The following RMND5B variants were observed in gnomAD, a reference collection of about 807,000 sequenced individuals.
RMND5B encodes required for meiotic nuclear division 5 homolog B, also known as E3 ubiquitin-protein transferase RMND5B.
Under a neutral mutation model 50.4 loss-of-function variants are expected in RMND5B, and 42 were observed. That is an observed-to-expected ratio of 0.83 (90% CI 0.65 to 1.08). RMND5B has a LOEUF of 1.08. Ranked by LOEUF, RMND5B falls within the 50% of genes least tolerant of loss-of-function variation. RMND5B has a pLI of 0.00. For synonymous variants in RMND5B, 220 were observed against 210.0 expected (o/e 1.05, Z -0.41); for missense variants, 463 against 508.5 (o/e 0.91, Z 0.86).
At chr5:178,142,415 G>C (rs1758992051) in intron 3 of RMND5B, 168 bp from the exon 4 acceptor site, 9 of 763,478 alleles carry the variant, frequency 1.2e-5, no homozygotes, top group African/African-American at 8.7e-5. Flanking sequence ...TTCCAAGTCA[G>C]ACAGTTAAAA....
chr5:178,141,239 C>T (rs981065549), intron 3 of RMND5B: 3 of 152,140 alleles, frequency 2.0e-5, no homozygotes, highest in African/African-American at 7.2e-5. Flanking sequence ...TGCAGTGGCT[C>T]ATGCCTGTAA....
chr5:178,147,520 T>C lies in RMND5B; in HGVS notation c.861-13T>C. 1.9e-6 allele frequency: 3 copies of C among 1,612,586 alleles called. No individual in the cohort carries two copies. The highest frequency in any genetic ancestry group is 2.5e-6 in the Non-Finnish European group (3 of 1,179,020). On this transcript the variant is annotated splice_polypyrimidine_tract_variant and intron_variant, in intron 8 of 10. Coordinates refer to ENST00000313386, the MANE Select transcript of RMND5B (RefSeq NM_022762.5). ...TGATCTGAGCCACTCTAGCCCCTGT[T>C]CCTTGTCTGCAGCTTTGCCTCTGGC...
At chr5:178,144,914 G>GA (rs1755906818) in intron 7 of RMND5B, among the ~76,000 whole-genome samples, 1 of 152,148 alleles carries the variant, frequency 6.6e-6, no homozygotes, top group Non-Finnish European at 1.5e-5. Context: ...TGTCATGCTA[G>GA]AATTTCCAAA....
chr5:178,141,685 A>T (rs992857604), intron 3 of RMND5B: 4 of 152,172 alleles, frequency 2.6e-5, no homozygotes, highest in African/African-American at 9.7e-5. Context: ...ACTCGGTCTC[A>T]AAATAAATAA....
chr5:178,137,541 T>C lies in RMND5B; in HGVS notation c.-12-567T>C, dbSNP rs1758682543. Among the ~76,000 whole-genome samples the C allele has an allele frequency of 6.6e-6, 1 of 151,746 alleles. No individual in the cohort carries two copies. Among genetic ancestry groups the C allele is most frequent in the Non-Finnish European group, 1.5e-5 (1 of 67,958 alleles). On this transcript the variant is annotated intron_variant, in intron 2 of 10. Transcript: ENST00000313386. This position sits in a 1 kb window ranked among gnomAD's most constrained non-coding sequence, Gnocchi z 4.4. ...GTCTCTACGAAAAAAAATTTTAAAT[T>C]AGACAGGTGTAGAAGCACACTCCTG...
chr5:178,142,977 C>T lies in RMND5B; in HGVS notation c.411C>T (p.Ala137=), dbSNP rs111290494. ...ATCAGCAGGGCATGCTCAGCGTGGC[C>T]GAGGAGCTGTGCCAGGTACAGTCGG... ...HLYQQGMLSV[A]EELCQESTLN... The change falls in exon 5 of 11, where the codon GCC becomes GCT. Residue 137 remains alanine, a synonymous_variant. Transcript: ENST00000313386. The T allele has an allele frequency of 7.0e-5, 113 of 1,613,510 alleles. No homozygotes were observed. The African/African-American group carries it at 9.6e-4, about 14-fold the overall frequency.
chr5:178,143,700 A>G lies in RMND5B; in HGVS notation c.500A>G (p.His167Arg), dbSNP rs1042388790. The change falls in exon 6 of 11, where the codon CAC (histidine) becomes CGC (arginine). Residue 167 changes from histidine (H) to arginine (R), a missense_variant. Transcript: ENST00000313386. Reference sequence around the variant, plus strand: ...TTGAATCGAATCCTGGAAGCCCTGCACGAACAAGACCTGGGTCCTGCGTTG... The same window carrying G: ...TTGAATCGAATCCTGGAAGCCCTGCGCGAACAAGACCTGGGTCCTGCGTTG... ...LELNRILEAL[H>R]EQDLGPALEW... 3.1e-6 allele frequency: 5 copies of G among 1,614,132 alleles called. No individual in the cohort carries two copies. The highest frequency in any genetic ancestry group is 4.2e-6 in the Non-Finnish European group (5 of 1,179,972).
Position 178,138,428 on chromosome 5 carries a change from C to G in RMND5B, c.139+170C>G. On this transcript the variant is annotated intron_variant, in intron 3 of 10. Coordinates refer to ENST00000313386, the MANE Select transcript of RMND5B (RefSeq NM_022762.5). This position sits in a 1 kb window ranked among gnomAD's most constrained non-coding sequence, Gnocchi z 5.1. The stretch of plus-strand genomic sequence containing the variant: ...ACAGTCTCTGAGCTACTTCAAAAAG[C>G]CCAACAAATTATTAATTTACCTGAG... 5 of 1,378,144 alleles carry G rather than the reference C, an allele frequency of 3.6e-6. No homozygotes were observed. The highest frequency in any genetic ancestry group is 4.7e-6 in the Non-Finnish European group (5 of 1,069,158). The allele number at this position is 1,378,144 out of a possible 1,614,324, so 85.4% of individuals were successfully genotyped here. A position where few individuals can be genotyped will look rare whatever the true frequency, so the allele number is the denominator to read the frequency against.
chr5:178,147,435 A>T (rs1375684109), intron 8 of RMND5B, 98 bp from the exon 9 acceptor site: 2 of 846,462 alleles, frequency 2.4e-6, no homozygotes, highest in African/African-American at 3.4e-5. Context: ...ACCATTTTAG[A>T]GCCCTGTCTC....
At chr5:178,143,555 A>G (rs1355212307) in intron 5 of RMND5B, 72 bp from the exon 6 acceptor site, 11 of 1,211,360 alleles carry the variant, frequency 9.1e-6, no homozygotes, top group Non-Finnish European at 1.2e-5. Flanking sequence ...GTGAGCTTTT[A>G]TTATGTGCAT....
intron 2 of RMND5B, chr5:178,136,173 C>T (rs1758614115): frequency 6.6e-6 from 1 of 152,206 alleles, no homozygotes; most frequent in African/African-American, 2.4e-5. Context: ...CTGATTTAAT[C>T]TTTGTGTCTC....
Position 178,149,024 on chromosome 5 carries a change from T to C in RMND5B, c.*992T>C. 1 of 152,310 alleles carries C rather than the reference T, an allele frequency of 6.6e-6. No homozygotes were observed. The highest frequency in any genetic ancestry group is 1.9e-4 in the East Asian group (1 of 5,200). The allele number at this position is 152,310 out of a possible 1,614,324, so 9.4% of individuals were successfully genotyped here. ...GTCTAAAATACTTGAAGGGATTGGG[T>C]TACTAGGGCCATTATGTTAAGCAAG... On this transcript the variant is annotated 3_prime_UTR_variant, in exon 11 of 11. Coordinates refer to ENST00000313386, the MANE Select transcript of RMND5B (RefSeq NM_022762.5).
At chr5:178,135,441 A>G (rs1758571859) in intron 2 of RMND5B, 1 of 153,312 alleles carries the variant, frequency 6.5e-6, no homozygotes. Flanking sequence ...TATACTTTTA[A>G]TTTACATAAA....
rs147257025 is a variant in RMND5B, at chr5:178,147,593, G to T, written c.921G>T (p.Gln307His). The change falls in exon 9 of 11, where the codon CAG becomes CAT. Residue 307 changes from glutamine (Q) to histidine (H), a missense_variant. Coordinates refer to ENST00000313386, the MANE Select transcript of RMND5B (RefSeq NM_022762.5). ...TGAACATCAAGGCTGTGATTGAGCA[G>T]CGGCAGTGCACTGGGGTCTGGAATC... ...VLMNIKAVIEQRQCTGVWNHK... is the reference protein window; with the variant it reads ...VLMNIKAVIEHRQCTGVWNHK... The T allele has an allele frequency of 3.6e-4, 579 of 1,614,032 alleles. No individual in the cohort carries two copies. The highest frequency in any genetic ancestry group is 4.7e-4 in the Non-Finnish European group (553 of 1,179,992).
intron 7 of RMND5B, among the ~76,000 whole-genome samples, chr5:178,144,608 G>A (rs1331044449): frequency 1.3e-5 from 2 of 151,750 alleles, no homozygotes; most frequent in African/African-American, 4.8e-5. Flanking sequence ...TGTGGCGGGC[G>A]TTTGTAGTCC....
At position 178,137,460 on chromosome 5, in the gene RMND5B, G is replaced by C. The variant is rs911810163; in HGVS notation, c.-12-648G>C. ...CCCAGCACTTTGAGAGGCCAAGGTG[G>C]AAAGATCGTTTGAGCCCAGGAGTTT... On this transcript the variant is annotated intron_variant, in intron 2 of 10. Transcript: ENST00000313386. The surrounding 1 kb of genome is among the most constrained non-coding windows in gnomAD (Gnocchi z 4.4). Among the ~76,000 whole-genome samples the C allele has an allele frequency of 1.3e-5, 2 of 152,148 alleles. No homozygotes were observed. The highest frequency in any genetic ancestry group is 6.6e-5 in the Admixed American group (1 of 15,260).
In RMND5B at chr5:178,145,461, T is replaced by C. The variant is rs1256318143; in HGVS notation, c.695-653T>C. Among the ~76,000 whole-genome samples, 4 of 142,164 alleles carry C rather than the reference T, an allele frequency of 2.8e-5. No individual in the cohort carries two copies. The South Asian group carries it at 9.0e-4, about 32-fold the overall frequency. 93.3% of individuals were successfully genotyped at this position (142,164 alleles called of 152,430 possible). The stretch of plus-strand genomic sequence containing the variant: ...AGATTGTGCCACTGCCCTCCAGCAC[T>C]CCAGCCTGGCGACAGAGCGAGACTC... On this transcript the variant is annotated intron_variant, in intron 7 of 10. Transcript: ENST00000313386.
rs1756223682 is a variant in RMND5B, at chr5:178,149,963, T to C, written c.*1931T>C. The C allele has an allele frequency of 4.8e-6, 5 of 1,046,502 alleles. No homozygotes were observed. Among genetic ancestry groups the C allele is most frequent in the Admixed American group, 2.5e-5 (1 of 40,516 alleles). The allele number at this position is 1,046,502 out of a possible 1,614,324, so 64.8% of individuals were successfully genotyped here. A position where few individuals can be genotyped will look rare whatever the true frequency, so the allele number is the denominator to read the frequency against. On this transcript the variant is annotated 3_prime_UTR_variant, in exon 11 of 11. Transcript: ENST00000313386. ...CATGTTCTGTTCGGTCCATGTTCTA[T>C]TTAAAAGCATCTTGAATTGGTTGCC...
In RMND5B at chr5:178,138,366, T is replaced by C. The variant is rs1758732945; in HGVS notation, c.139+108T>C. The C allele has an allele frequency of 1.8e-5, 27 of 1,468,006 alleles. No individual in the cohort carries two copies. The highest frequency in any genetic ancestry group is 2.3e-5 in the Non-Finnish European group (26 of 1,106,662). 90.9% of individuals were successfully genotyped at this position (1,468,006 alleles called of 1,614,324 possible). On this transcript the variant is annotated intron_variant, in intron 3 of 10. Transcript: ENST00000313386. This position sits in a 1 kb window ranked among gnomAD's most constrained non-coding sequence, Gnocchi z 5.1. The stretch of plus-strand genomic sequence containing the variant: ...GGAAGGACGATGATGAGGATGTTGG[T>C]ACCTGCATCTGTAGGCCTCCTTGAA...
Sources: allele counts gnomAD v4.1 joint callset (sites outside exome capture counted in the v4.1 genomes callset), GRCh38; gene constraint gnomAD v4.1.1; non-coding constraint Gnocchi (gnomAD v3.1); transcripts MANE v1.5; gene names NCBI Gene and HGNC (gene_info 2026-07-23, HGNC 2026-07-21).